Variants in SH2D4A observed in about 807,000 individuals in gnomAD.
SH2D4A encodes the protein SH2 domain containing 4A, also known as SH2 domain-containing protein 4A.
SH2D4A carries 70 observed loss-of-function variants against 64.7 expected under a neutral mutation model. The ratio of observed to expected loss-of-function variants is 1.08; its 90% CI spans 0.89 to 1.32. The LOEUF (loss-of-function observed/expected upper bound fraction) is 1.32. SH2D4A is among the 40% of genes most tolerant of loss of function. The pLI, the probability that SH2D4A is intolerant of heterozygous loss-of-function variation, is 0.00. For missense variants in SH2D4A, 706 were observed against 540.1 expected (o/e 1.31, Z -3.04); for synonymous variants, 268 against 200.7 (o/e 1.34, Z -2.83).
At chr8:19,394,285 G>A (rs764612935) in intron 9 of SH2D4A, among the ~76,000 whole-genome samples, 1 of 152,172 alleles carries the variant, frequency 6.6e-6, no homozygotes, top group Non-Finnish European at 1.5e-5. Flanking sequence ...AGTTCTAACA[G>A]GCCACAGACT....
chr8:19,377,899 A>C (rs934067894), intron 8 of SH2D4A, among the ~76,000 whole-genome samples: 2 of 152,188 alleles, frequency 1.3e-5, no homozygotes, highest in Non-Finnish European at 2.9e-5. Context: ...CATGCCCACG[A>C]AACTGATTAT....
intron 7 of SH2D4A, among the ~76,000 whole-genome samples, chr8:19,366,683 A>G (rs1469837253): frequency 1.3e-5 from 2 of 152,070 alleles, no homozygotes; most frequent in Non-Finnish European, 2.9e-5. Flanking sequence ...TTCCAGCTAC[A>G]CTGGAGGCTG....
chr8:19,326,118 A>T (rs1366197862), intron 2 of SH2D4A, among the ~76,000 whole-genome samples: 1 of 152,248 alleles, frequency 6.6e-6, no homozygotes, highest in Non-Finnish European at 1.5e-5. Context: ...GCCATCACTC[A>T]TGCAGAACGG....
chr8:19,344,742 T>C (rs1287733696), intron 4 of SH2D4A, among the ~76,000 whole-genome samples: 2 of 150,722 alleles, frequency 1.3e-5, no homozygotes, highest in Non-Finnish European at 1.5e-5. Flanking sequence ...CCTTATCCAA[T>C]ACATCTGGGC....
At chr8:19,368,215 T>C (rs2053034189) in intron 7 of SH2D4A, among the ~76,000 whole-genome samples, 1 of 152,190 alleles carries the variant, frequency 6.6e-6, no homozygotes, top group Non-Finnish European at 1.5e-5. Flanking sequence ...TCATTGTTTA[T>C]GTGTGTGTTT....
chr8:19,395,682 G>C lies in SH2D4A; in HGVS notation c.*1040G>C, dbSNP rs1051511032. The C allele has an allele frequency of 2.0e-5, 3 of 152,152 alleles. No individual in the cohort carries two copies. Among genetic ancestry groups the C allele is most frequent in the East Asian group, 1.9e-4 (1 of 5,166 alleles). 9.4% of individuals were successfully genotyped at this position (152,152 alleles called of 1,614,324 possible). A position where few individuals can be genotyped will look rare whatever the true frequency, so the allele number is the denominator to read the frequency against. On this transcript the variant is annotated 3_prime_UTR_variant, in exon 10 of 10. Coordinates refer to ENST00000265807, the MANE Select transcript of SH2D4A (RefSeq NM_022071.4). ...AAGGGAAGGGACACCAAGGATCTCC[G>C]GCCACCAGCAGAAGCCAGCAGAGAG...
chr8:19,394,764 AGT>A lies in SH2D4A; in HGVS notation c.*123_*124del. ...GCAGAGCCAATACTGATCAACTGAAAGTAAAGTATCCATGGAGTCCTCATTGA... is the reference window on the plus strand; with the variant it reads ...GCAGAGCCAATACTGATCAACTGAAAAAAGTATCCATGGAGTCCTCATTGA... On this transcript the variant is annotated 3_prime_UTR_variant, in exon 10 of 10. Coordinates refer to ENST00000265807, the MANE Select transcript of SH2D4A (RefSeq NM_022071.4). The A allele has an allele frequency of 6.0e-6, 1 of 167,288 alleles. No individual in the cohort carries two copies. Among genetic ancestry groups the A allele is most frequent in the East Asian group, 4.3e-5 (1 of 23,030 alleles). 10.4% of individuals were successfully genotyped at this position (167,288 alleles called of 1,614,324 possible).
At chr8:19,390,929 A>G (rs978052023) in intron 8 of SH2D4A, among the ~76,000 whole-genome samples, 2 of 152,326 alleles carry the variant, frequency 1.3e-5, no homozygotes, top group Non-Finnish European at 2.9e-5. Context: ...AATTTTAGGA[A>G]TCCAGATTCA....
chr8:19,329,540 C>T (rs1334923977), intron 2 of SH2D4A, among the ~76,000 whole-genome samples: 1 of 152,110 alleles, frequency 6.6e-6, no homozygotes, highest in Non-Finnish European at 1.5e-5. Flanking sequence ...GGGACTAGAC[C>T]ATCTTGTCCT....
chr8:19,318,896 G>A (rs1222927156), intron 1 of SH2D4A, among the ~76,000 whole-genome samples: 1 of 151,914 alleles, frequency 6.6e-6, no homozygotes, highest in Non-Finnish European at 1.5e-5. Context: ...GTTTGGTTTG[G>A]GATGAGTTAC....
At chr8:19,391,600 G>A (rs1336316216) in intron 8 of SH2D4A, among the ~76,000 whole-genome samples, 2 of 152,176 alleles carry the variant, frequency 1.3e-5, no homozygotes, top group Admixed American at 6.5e-5. Flanking sequence ...CTCACACTGG[G>A]TTGACCTTCA....
intron 1 of SH2D4A, 81 bp from the exon 2 acceptor site, chr8:19,319,262 TA>T: frequency 9.5e-7 from 1 of 1,050,530 alleles, no homozygotes; most frequent in Non-Finnish European, 1.2e-6. Flanking sequence ...TGTTTCCTCC[TA>T]GCTTTTTTTT....
chr8:19,388,669 G>A (rs1454661606), intron 8 of SH2D4A, among the ~76,000 whole-genome samples: 5 of 152,148 alleles, frequency 3.3e-5, no homozygotes, highest in South Asian at 4.1e-4. Flanking sequence ...ATTAGACCTC[G>A]TGGCACTTCA....
At chr8:19,344,200 G>A (rs1202082562) in intron 4 of SH2D4A, among the ~76,000 whole-genome samples, 1 of 152,140 alleles carries the variant, frequency 6.6e-6, no homozygotes, top group Admixed American at 6.5e-5. Context: ...GACATAGCAG[G>A]ACTAGGTTCT....
At chr8:19,323,381 A>AT (rs750438816) in intron 2 of SH2D4A, among the ~76,000 whole-genome samples, 10,668 of 141,856 alleles carry the variant, frequency 0.075, 484 homozygotes, top group African/African-American at 0.13. Context: ...GTTCCTTTTG[A>AT]TTTTTTTTTT....
intron 4 of SH2D4A, 42 bp downstream of exon 4, chr8:19,334,899 G>A (rs534473912): frequency 1.3e-6 from 2 of 1,549,352 alleles, no homozygotes; most frequent in East Asian, 2.3e-5. Flanking sequence ...TTTCATCATG[G>A]GGGAGAAAAA....
chr8:19,393,006 G>A (rs2053518736), intron 8 of SH2D4A, among the ~76,000 whole-genome samples: 1 of 152,146 alleles, frequency 6.6e-6, no homozygotes, highest in Non-Finnish European at 1.5e-5. Context: ...CTCTCAAAGT[G>A]CTGGGATTAC....
At chr8:19,328,319 G>C (rs1184104613) in intron 2 of SH2D4A, among the ~76,000 whole-genome samples, 5 of 151,900 alleles carry the variant, frequency 3.3e-5, no homozygotes, top group African/African-American at 1.2e-4. Flanking sequence ...TGGATTTCTA[G>C]TAAAAGTAAA....
In SH2D4A at chr8:19,332,880, T is replaced by C. The variant is rs1305941530; in HGVS notation, c.182-75T>C. ...ATATTTTCAAAGACCCAAAATACTT[T>C]AGTGATGGAAACAGTAATCTGTGAC... On this transcript the variant is annotated intron_variant, in intron 2 of 9. Transcript: ENST00000265807. 7.6e-6 allele frequency: 11 copies of C among 1,448,750 alleles called. No homozygotes were observed. The South Asian group carries it at 1.1e-4, about 14-fold the overall frequency. The allele number at this position is 1,448,750 out of a possible 1,614,324, so 89.7% of individuals were successfully genotyped here. A position where few individuals can be genotyped will look rare whatever the true frequency, so the allele number is the denominator to read the frequency against.
Sources: allele counts gnomAD v4.1 joint callset (sites outside exome capture counted in the v4.1 genomes callset), GRCh38; gene constraint gnomAD v4.1.1; transcripts MANE v1.5; gene names NCBI Gene and HGNC (gene_info 2026-07-23, HGNC 2026-07-21).